Variants in EYA1 observed in about 807,000 individuals in gnomAD.
EYA1 encodes EYA transcriptional coactivator and phosphatase 1.
EYA1 carries 16 observed loss-of-function variants against 82.0 expected under a neutral mutation model. The observed-to-expected ratio is 0.20, with a 90% CI of 0.13 to 0.30. The LOEUF (loss-of-function observed/expected upper bound fraction) is 0.30, where lower values mean the gene tolerates loss of function less well. Among genes scored for constraint, EYA1 ranks in the 10% least tolerant of loss-of-function variants. The pLI is 1.00. For missense variants in EYA1, 633 were observed against 730.7 expected (o/e 0.87, Z 1.54); for synonymous variants, 261 against 264.4 (o/e 0.99, Z 0.12).
intron 2 of EYA1, among the ~76,000 whole-genome samples, chr8:71,479,515 G>C (rs1188777961): frequency 6.7e-6 from 1 of 149,244 alleles, no homozygotes. Context: ...TTTATTGTTT[G>C]TCTGTATTGC....
intron 2 of EYA1, among the ~76,000 whole-genome samples, chr8:71,384,406 T>C (rs1306926175): frequency 1.3e-5 from 2 of 152,316 alleles, no homozygotes; most frequent in South Asian, 2.1e-4. Context: ...TTATCTCAGA[T>C]GGGGCCTGAC....
intron 2 of EYA1, among the ~76,000 whole-genome samples, chr8:71,480,271 A>C (rs1810031085): frequency 6.6e-6 from 1 of 152,206 alleles, no homozygotes; most frequent in African/African-American, 2.4e-5. Context: ...TCATTATTAA[A>C]ATGTTCATTT....
intron 9 of EYA1, among the ~76,000 whole-genome samples, chr8:71,292,736 T>C (rs1324605983): frequency 6.6e-6 from 1 of 151,914 alleles, no homozygotes; most frequent in Non-Finnish European, 1.5e-5. Flanking sequence ...TATTAAAATA[T>C]TGTGAAGTAA....
intron 12 of EYA1, among the ~76,000 whole-genome samples, chr8:71,228,872 C>A (rs146374027): frequency 9.7e-4 from 147 of 152,238 alleles, no homozygotes; most frequent in Non-Finnish European, 1.7e-3. Flanking sequence ...CTTGTAAAGC[C>A]CTTCCTCTTC....
At chr8:71,457,326 G>T (rs530568402) in intron 2 of EYA1, among the ~76,000 whole-genome samples, 1 of 152,294 alleles carries the variant, frequency 6.6e-6, no homozygotes, top group African/African-American at 2.4e-5. Flanking sequence ...GGGTAAACTA[G>T]TTCAACCATT....
intron 6 of EYA1, among the ~76,000 whole-genome samples, chr8:71,320,624 T>C (rs1258818063): frequency 6.6e-6 from 1 of 152,190 alleles, no homozygotes; most frequent in Non-Finnish European, 1.5e-5. Context: ...TTGGTTCTGA[T>C]GGTTTTAAAA....
chr8:71,365,139 C>T (rs1408816501), upstream of EYA1, among the ~76,000 whole-genome samples: 1 of 151,284 alleles, frequency 6.6e-6, no homozygotes, highest in African/African-American at 2.4e-5. Context: ...TTTTCTAAAA[C>T]TTCATGAGTT....
At chr8:71,343,950 C>T (rs140528348) in intron 3 of EYA1, among the ~76,000 whole-genome samples, 250 of 152,194 alleles carry the variant, frequency 1.6e-3, no homozygotes, top group African/African-American at 5.9e-3. Flanking sequence ...ACAGTGAACA[C>T]CTATAAACCT....
intron 7 of EYA1, among the ~76,000 whole-genome samples, chr8:71,308,258 T>C (rs546411672): frequency 7.9e-5 from 12 of 152,214 alleles, no homozygotes; most frequent in African/African-American, 2.7e-4. Context: ...GAAATAATCA[T>C]ACCTAAGACA....
intron 1 of EYA1, among the ~76,000 whole-genome samples, chr8:71,539,827 C>T: frequency 6.6e-6 from 1 of 152,146 alleles, no homozygotes; most frequent in East Asian, 1.9e-4. Flanking sequence ...AATCAGTGTA[C>T]ACATCCTAGC....
chr8:71,310,550 A>G (rs1821223002), intron 7 of EYA1, among the ~76,000 whole-genome samples: 1 of 152,160 alleles, frequency 6.6e-6, no homozygotes, highest in Middle Eastern at 3.2e-3. Flanking sequence ...TGCTAAGGAT[A>G]ATGGCCTCCA....
intron 11 of EYA1, among the ~76,000 whole-genome samples, chr8:71,261,161 T>C (rs955204698): frequency 1.6e-4 from 24 of 152,030 alleles, no homozygotes; most frequent in Non-Finnish European, 2.9e-4. Context: ...ATTGTTTTTT[T>C]AAAAAATAAA....
intron 9 of EYA1, among the ~76,000 whole-genome samples, chr8:71,276,109 G>T (rs552848180): frequency 6.6e-6 from 1 of 152,270 alleles, no homozygotes; most frequent in East Asian, 1.9e-4. Flanking sequence ...TAAAAGTCTT[G>T]CTAATATTAA....
At position 71,218,393 on chromosome 8, in the gene EYA1, T is replaced by A. The variant is rs565001954; in HGVS notation, c.1141-1370A>T. Among the ~76,000 whole-genome samples the A allele has an allele frequency of 2.8e-3, 427 of 152,170 alleles. 1 individual carries two copies. The highest frequency in any genetic ancestry group is 3.6e-3 in the Non-Finnish European group (245 of 68,014). On this transcript the variant is annotated intron_variant, in intron 12 of 17. Coordinates refer to ENST00000340726, the MANE Select transcript of EYA1 (RefSeq NM_000503.6). ...GATTTGTGAGGAAGGGAGGAGGAGA[T>A]AGAAGTGGAAAGAAACTCAAACCAG...
chr8:71,463,607 CTCTCTCTCTCTCTCTCTCTCTCT>C (rs1423377346), intron 2 of EYA1, among the ~76,000 whole-genome samples: 72 of 137,668 alleles, frequency 5.2e-4, no homozygotes, highest in Admixed American at 9.5e-4. Flanking sequence ...CTCTCTCTCT[CTCTCTCTCTCTCTCTCTCTCTCT>C]CTCCCTCCCT....
At chr8:71,443,292 T>C (rs1806571097) in intron 2 of EYA1, among the ~76,000 whole-genome samples, 1 of 151,986 alleles carries the variant, frequency 6.6e-6, no homozygotes, top group Non-Finnish European at 1.5e-5. Context: ...TTGAAGAAAA[T>C]GGATTTTTTT....
chr8:71,429,710 T>C (rs542772271), intron 2 of EYA1, among the ~76,000 whole-genome samples: 55 of 152,194 alleles, frequency 3.6e-4, no homozygotes, highest in Non-Finnish European at 7.1e-4. Context: ...AATCTGTCAT[T>C]CTATTTCATA....
chr8:71,254,243 C>CAAA (rs56047377), intron 11 of EYA1, among the ~76,000 whole-genome samples: 113 of 51,448 alleles, frequency 2.2e-3, no homozygotes, highest in African/African-American at 7.4e-3. Context: ...AAGTCTTGGC[C>CAAA]AAAAAAAAAA....
chr8:71,286,986 G>A (rs944158356), intron 9 of EYA1, among the ~76,000 whole-genome samples: 5 of 151,854 alleles, frequency 3.3e-5, no homozygotes, highest in African/African-American at 1.2e-4. Flanking sequence ...ATTTTTAGTA[G>A]AGACAGGGTT....
Sources: allele counts gnomAD v4.1 joint callset (sites outside exome capture counted in the v4.1 genomes callset), GRCh38; gene constraint gnomAD v4.1.1; transcripts MANE v1.5; gene names NCBI Gene and HGNC (gene_info 2026-07-23, HGNC 2026-07-21).